RORA: variants seen among roughly 807,000 people sequenced by gnomAD.
RORA encodes nuclear receptor ROR-alpha.
A neutral mutation model predicts 69.5 loss-of-function variants in RORA; 7 were observed. The ratio of observed to expected loss-of-function variants is 0.10; its 90% confidence interval spans 0.06 to 0.19. RORA has a LOEUF of 0.19. RORA is among the 10% of genes least tolerant of loss of function. RORA has a pLI of 1.00. For missense variants in RORA, 457 were observed against 663.0 expected (o/e 0.69, Z 3.41); for synonymous variants, 261 against 240.8 (o/e 1.08, Z -0.78).
intron 1 of RORA, among the ~76,000 whole-genome samples, chr15:60,877,766 A>T (rs2140442980): frequency 6.6e-6 from 1 of 152,316 alleles, no homozygotes; most frequent in African/African-American, 2.4e-5. Context: ...AATAAAATAA[A>T]GCAGTCAAAG....
chr15:60,824,166 A>G (rs1015115669), intron 1 of RORA, among the ~76,000 whole-genome samples: 1 of 152,236 alleles, frequency 6.6e-6, no homozygotes, highest in African/African-American at 2.4e-5. Flanking sequence ...TGAGGAGAGC[A>G]CACTATGGGC....
chr15:60,551,475 C>A (rs1316569215), intron 2 of RORA, among the ~76,000 whole-genome samples: 2 of 152,084 alleles, frequency 1.3e-5, no homozygotes, highest in Non-Finnish European at 2.9e-5. Flanking sequence ...TACAAAGAGC[C>A]ATCTTTGCTC....
chr15:60,939,444 G>A lies in RORA; in HGVS notation c.167-260758C>T, dbSNP rs1222751211. The stretch of plus-strand genomic sequence containing the variant: ...TGACTGGAGCACAGCAGGGACGCAC[G>A]TGCTCACTTGCAACTCTGGGCCAGG... On this transcript the variant is annotated intron_variant, in intron 1 of 10. Coordinates refer to ENST00000335670, the MANE Select transcript of RORA (RefSeq NM_134261.3). 7.9e-5 allele frequency among the ~76,000 whole-genome samples: 12 copies of A among 152,266 alleles called. No homozygotes were observed. In the East Asian group the frequency reaches 1.5e-3, roughly 20 times the overall value.
intron 1 of RORA, among the ~76,000 whole-genome samples, chr15:60,942,684 A>C (rs983283820): frequency 2.6e-5 from 4 of 152,226 alleles, no homozygotes; most frequent in Non-Finnish European, 5.9e-5. Flanking sequence ...TATACATACA[A>C]ACATGTTTTC....
At chr15:60,782,856 T>C (rs138022028) in intron 1 of RORA, among the ~76,000 whole-genome samples, 3,187 of 152,328 alleles carry the variant, frequency 0.021, 47 homozygotes, top group Non-Finnish European at 0.032. Flanking sequence ...TGGAAACTGA[T>C]AGACTCAAAT....
intron 1 of RORA, among the ~76,000 whole-genome samples, chr15:60,829,220 T>C (rs2073006008): frequency 6.6e-6 from 1 of 152,120 alleles, no homozygotes; most frequent in African/African-American, 2.4e-5. Context: ...GCAGGAAGGC[T>C]TCATCCCCAC....
intron 3 of RORA, among the ~76,000 whole-genome samples, chr15:60,524,030 C>G (rs2066264918): frequency 6.6e-6 from 1 of 152,174 alleles, no homozygotes. Flanking sequence ...TGTTTTCTTG[C>G]TCAGTGACAG....
At chr15:60,842,544 G>A (rs1169048381) in intron 1 of RORA, among the ~76,000 whole-genome samples, 1 of 152,226 alleles carries the variant, frequency 6.6e-6, no homozygotes, top group East Asian at 1.9e-4. Context: ...TTTCAGGCCT[G>A]TAGAGATGAA....
At position 61,128,646 on chromosome 15, in the gene RORA, T is replaced by C. The variant is rs2079163719; in HGVS notation, c.166+100407A>G. Reference sequence around the variant, plus strand: ...GCTTTACGGAAGGGTTGAAATGTTCTTTCTCTGGTTCCAACTGCCAGGGAC... The same window carrying C: ...GCTTTACGGAAGGGTTGAAATGTTCCTTCTCTGGTTCCAACTGCCAGGGAC... On this transcript the variant is annotated intron_variant, in intron 1 of 10. Transcript: ENST00000335670. The surrounding 1 kb of genome is among the most constrained non-coding windows in gnomAD (Gnocchi z 4.5). 6.6e-6 allele frequency among the ~76,000 whole-genome samples: 1 copy of C among 152,248 alleles called. No individual in the cohort carries two copies. Among genetic ancestry groups the C allele is most frequent in the African/African-American group, 2.4e-5 (1 of 41,464 alleles).
intron 1 of RORA, among the ~76,000 whole-genome samples, chr15:60,883,108 G>A (rs1303918243): frequency 1.7e-5 from 2 of 118,978 alleles, no homozygotes; most frequent in South Asian, 5.5e-4. Flanking sequence ...TCCCGCCTGG[G>A]CGACAGAGAG....
At chr15:61,142,570 A>G (rs1224267158) in intron 1 of RORA, among the ~76,000 whole-genome samples, 9 of 152,180 alleles carry the variant, frequency 5.9e-5, no homozygotes, top group Admixed American at 6.5e-5. Flanking sequence ...GAAAAGTCAG[A>G]TCACTCTAAT....
chr15:60,659,307 T>G (rs1274194099), intron 2 of RORA, among the ~76,000 whole-genome samples: 5 of 152,320 alleles, frequency 3.3e-5, no homozygotes, highest in Non-Finnish European at 1.5e-5. Context: ...CTTCCACTTC[T>G]GTAAGCAAGT....
intron 1 of RORA, among the ~76,000 whole-genome samples, chr15:61,193,742 C>T (rs1211680439): frequency 6.6e-6 from 1 of 152,158 alleles, no homozygotes; most frequent in Non-Finnish European, 1.5e-5. Context: ...TGTAATTTTA[C>T]AGTTGTGGAA....
intron 1 of RORA, among the ~76,000 whole-genome samples, chr15:61,133,228 A>G (rs980660313): frequency 6.6e-6 from 1 of 152,172 alleles, no homozygotes; most frequent in Non-Finnish European, 1.5e-5. Flanking sequence ...AATATATATA[A>G]TGTTCTGCAT....
In RORA at chr15:60,958,181, T is replaced by G. The variant is rs182507229; in HGVS notation, c.166+270872A>C. Among the ~76,000 whole-genome samples, 226 of 152,342 alleles carry G rather than the reference T, an allele frequency of 1.5e-3. 1 individual carries two copies. Among genetic ancestry groups the G allele is most frequent in the African/African-American group, 4.0e-3 (165 of 41,582 alleles). ...TACAGAAGATGTTTGATATAAATAT[T>G]AATTTTCCTAAAGTGGTGATGGCAG... On this transcript the variant is annotated intron_variant, in intron 1 of 10. Transcript: ENST00000335670.
intron 1 of RORA, among the ~76,000 whole-genome samples, chr15:60,879,029 T>C (rs1463092632): frequency 1.3e-5 from 2 of 152,228 alleles, no homozygotes; most frequent in East Asian, 3.9e-4. Context: ...TTTCTACTTC[T>C]TGGAGTCATG....
At chr15:60,672,176 C>T (rs2070483796) in intron 2 of RORA, among the ~76,000 whole-genome samples, 1 of 152,144 alleles carries the variant, frequency 6.6e-6, no homozygotes, top group African/African-American at 2.4e-5. Context: ...TAACATTCCC[C>T]TTTCTTACAA....
In RORA at chr15:60,502,845, G is replaced by T; in HGVS notation, c.1098C>A (p.Ile366=). 1 of 1,613,412 alleles carries T rather than the reference G, an allele frequency of 6.2e-7. No homozygotes were observed. Among genetic ancestry groups the T allele is most frequent in the Non-Finnish European group, 8.5e-7 (1 of 1,179,370 alleles). Residue 366 remains isoleucine, a synonymous_variant, in exon 8 of 11, where the codon ATC becomes ATA. Coordinates refer to ENST00000335670, the MANE Select transcript of RORA (RefSeq NM_134261.3). ...LKAGSLEVVF[I]RMCRAFDSQN... Reference sequence around the variant, plus strand: ...GAGAGTCAAAGGCACGGCACATTCTGATAAACACCACCTCTAGAGAACCTA... The same window carrying T: ...GAGAGTCAAAGGCACGGCACATTCTTATAAACACCACCTCTAGAGAACCTA...
At chr15:60,596,168 T>C (rs925510567) in intron 2 of RORA, among the ~76,000 whole-genome samples, 6 of 152,164 alleles carry the variant, frequency 3.9e-5, no homozygotes, top group East Asian at 1.9e-4. Context: ...TATAATGCTA[T>C]TGGGGAGAAT....
Sources: allele counts gnomAD v4.1 joint callset (sites outside exome capture counted in the v4.1 genomes callset), GRCh38; gene constraint gnomAD v4.1.1; non-coding constraint Gnocchi (gnomAD v3.1); transcripts MANE v1.5; gene names NCBI Gene and HGNC (gene_info 2026-07-23, HGNC 2026-07-21).